GRIN2A: variants seen among roughly 807,000 people sequenced by gnomAD.
GRIN2A encodes glutamate ionotropic receptor NMDA type subunit 2A.
In GRIN2A, 22 loss-of-function variants were observed where a neutral mutation model predicts 113.4. That is an observed-to-expected ratio of 0.19 (90% CI 0.14 to 0.28). GRIN2A has a LOEUF of 0.28. Ranked by LOEUF, GRIN2A falls within the 10% of genes least tolerant of loss-of-function variation. The pLI, the probability that GRIN2A is intolerant of heterozygous loss-of-function variation, is 1.00. For synonymous variants in GRIN2A, 827 were observed against 738.4 expected, an observed-to-expected ratio of 1.12 and a Z score of -1.94; for missense variants, 1,502 against 1,887.0, an observed-to-expected ratio of 0.80 and a Z score of 3.78.
At chr16:10,016,163 C>T (rs946630920) in intron 2 of GRIN2A, among the ~76,000 whole-genome samples, 4 of 147,340 alleles carry the variant, frequency 2.7e-5, no homozygotes, top group South Asian at 2.1e-4. Flanking sequence ...GGCCTGAGCA[C>T]GGGAAACCCA....
chr16:10,032,922 T>C (rs1380883713), intron 2 of GRIN2A, among the ~76,000 whole-genome samples: 7 of 152,146 alleles, frequency 4.6e-5, no homozygotes, highest in Non-Finnish European at 8.8e-5. Context: ...GAGTTTCTTG[T>C]GTCCATATAT....
intron 2 of GRIN2A, among the ~76,000 whole-genome samples, chr16:10,139,336 AGAG>A (rs2049274047): frequency 1.3e-5 from 2 of 152,264 alleles, no homozygotes; most frequent in South Asian, 4.1e-4. Context: ...GGAGGCAGGG[AGAG>A]GAGAGGGAAA....
chr16:10,044,016 T>TATATATAC (rs2047214634), intron 2 of GRIN2A, among the ~76,000 whole-genome samples: 1 of 122,214 alleles, frequency 8.2e-6, no homozygotes, highest in Admixed American at 8.9e-5. Flanking sequence ...TGTATATATA[T>TATATATAC]ATATATAGAG....
chr16:10,151,813 A>C (rs6497730), intron 2 of GRIN2A, among the ~76,000 whole-genome samples: 1,953 of 152,096 alleles, frequency 0.013, 40 homozygotes, highest in African/African-American at 0.045. Context: ...GGAATTACCA[A>C]CGTGTTATAA....
chr16:10,127,187 G>C (rs1470122290), intron 2 of GRIN2A, among the ~76,000 whole-genome samples: 1 of 151,616 alleles, frequency 6.6e-6, no homozygotes, highest in East Asian at 1.9e-4. Flanking sequence ...AGCAGAGATC[G>C]TGCCACTCCA....
At chr16:10,070,177 A>G (rs930018244) in intron 2 of GRIN2A, among the ~76,000 whole-genome samples, 2 of 152,140 alleles carry the variant, frequency 1.3e-5, no homozygotes, top group African/African-American at 2.4e-5. Context: ...TTCCCTGGAC[A>G]TGGGTCCCCG....
chr16:10,006,662 G>A (rs1318395353), intron 2 of GRIN2A, among the ~76,000 whole-genome samples: 2 of 151,926 alleles, frequency 1.3e-5, no homozygotes, highest in Non-Finnish European at 2.9e-5. Context: ...ATTCTAAAAT[G>A]TACGACAAAT....
intron 2 of GRIN2A, among the ~76,000 whole-genome samples, chr16:10,129,372 TAAA>T (rs35049231): frequency 1.3e-5 from 2 of 151,974 alleles, no homozygotes; most frequent in East Asian, 3.9e-4. Context: ...GGAGTTTGAT[TAAA>T]AAAAAAACAA....
At chr16:9,949,551 G>GATGA (rs753563502) in intron 2 of GRIN2A, among the ~76,000 whole-genome samples, 62 of 151,530 alleles carry the variant, frequency 4.1e-4, no homozygotes, top group Non-Finnish European at 7.4e-4. Flanking sequence ...TGGTTGGGAG[G>GATGA]ATGAATGAAT....
At chr16:9,972,985 G>A (rs1294651170) in intron 2 of GRIN2A, among the ~76,000 whole-genome samples, 2 of 152,180 alleles carry the variant, frequency 1.3e-5, no homozygotes, top group African/African-American at 2.4e-5. Context: ...TGGCTGTCTG[G>A]AGATGAAATC....
intron 4 of GRIN2A, among the ~76,000 whole-genome samples, chr16:9,852,585 T>C (rs1200212860): frequency 1.3e-5 from 2 of 152,110 alleles, no homozygotes; most frequent in Non-Finnish European, 2.9e-5. Flanking sequence ...GCCAAGGAGG[T>C]TGAAGATGAG....
At chr16:9,900,404 C>T (rs888571991) in intron 3 of GRIN2A, among the ~76,000 whole-genome samples, 1 of 152,180 alleles carries the variant, frequency 6.6e-6, no homozygotes, top group Non-Finnish European at 1.5e-5. Context: ...AGGGAGCACA[C>T]CTGAGTCAAG....
chr16:9,764,089 T>A lies in GRIN2A; in HGVS notation c.3455A>T (p.Gln1152Leu). 6.2e-7 allele frequency: 1 copy of A among 1,613,570 alleles called. No individual in the cohort carries two copies. The highest frequency in any genetic ancestry group is 8.5e-7 in the Non-Finnish European group (1 of 1,179,560). ...CTTGCGGAAGTTTTCACTGGGATCC[T>A]GGTAGGGGTCCGGGAAGTCCACGTT... ...PENVDFPDPY[Q>L]DPSENFRKGD... The change falls in exon 13 of 13, where the codon CAG becomes CTG. Residue 1152 changes from glutamine (Q) to leucine (L), a missense_variant. Gln to Leu is a moderately radical substitution (Grantham distance 113, BLOSUM62 -2). This residue lies in a region of GRIN2A where 832 missense variants were observed against 789.7 expected (regional missense o/e 1.05). Coordinates refer to ENST00000330684, the MANE Select transcript of GRIN2A (RefSeq NM_001134407.3).
intron 10 of GRIN2A, among the ~76,000 whole-genome samples, chr16:9,807,365 A>G (rs1339799281): frequency 1.8e-4 from 5 of 27,040 alleles, no homozygotes; most frequent in Non-Finnish European, 3.0e-4. Flanking sequence ...AGGGAGGGAG[A>G]GGGGGAGGGA....
In GRIN2A at chr16:10,034,535, C is replaced by CAAAAAAAA. The variant is rs58076569; in HGVS notation, c.415-95992_415-95985dup. Among the ~76,000 whole-genome samples, 16 of 36,422 alleles carry CAAAAAAAA rather than the reference C, an allele frequency of 4.4e-4. 1 individual carries two copies. The highest frequency in any genetic ancestry group is 1.2e-3 in the African/African-American group (11 of 8,978). 23.9% of individuals were successfully genotyped at this position (36,422 alleles called of 152,430 possible). ...AGTGAGACCCCACGTCAAAAAAAAG[C>CAAAAAAAA]AAAAAAAAAAAAAAAAAAAAAAAAA... On this transcript the variant is annotated intron_variant, in intron 2 of 12. Coordinates refer to ENST00000330684, the MANE Select transcript of GRIN2A (RefSeq NM_001134407.3).
chr16:9,967,865 C>T (rs1433535547), intron 2 of GRIN2A, among the ~76,000 whole-genome samples: 2 of 152,028 alleles, frequency 1.3e-5, no homozygotes, highest in African/African-American at 4.8e-5. Context: ...ACCAAAAGCA[C>T]CTGTACCCCA....
intron 2 of GRIN2A, among the ~76,000 whole-genome samples, chr16:9,941,680 A>T (rs72772132): frequency 6.6e-6 from 1 of 152,192 alleles, no homozygotes; most frequent in Non-Finnish European, 1.5e-5. Flanking sequence ...GGGGGGAAAA[A>T]AAACACTCAG....
chr16:10,043,939 A>G (rs1567257664), intron 2 of GRIN2A, among the ~76,000 whole-genome samples: 1 of 147,884 alleles, frequency 6.8e-6, no homozygotes, highest in Non-Finnish European at 1.5e-5. Flanking sequence ...GTGTATATAT[A>G]CACACATATA....
At chr16:10,136,764 G>C (rs988052202) in intron 2 of GRIN2A, among the ~76,000 whole-genome samples, 4 of 152,078 alleles carry the variant, frequency 2.6e-5, no homozygotes, top group Non-Finnish European at 4.4e-5. Flanking sequence ...AACTGACCTT[G>C]GGCCTCACGA....
Sources: allele counts gnomAD v4.1 joint callset (sites outside exome capture counted in the v4.1 genomes callset), GRCh38; gene constraint gnomAD v4.1.1; regional missense constraint gnomAD v4.1.1; transcripts MANE v1.5; gene names NCBI Gene and HGNC (gene_info 2026-07-23, HGNC 2026-07-21).